SLC1A3: variants seen among roughly 807,000 people sequenced by gnomAD.
SLC1A3 encodes the protein excitatory amino acid transporter 1.
In SLC1A3, 21 loss-of-function variants were observed where a neutral mutation model predicts 48.1. The observed-to-expected ratio is 0.44, with a 90% confidence interval of 0.31 to 0.63. The LOEUF is 0.63. SLC1A3 is among the 20% of genes least tolerant of loss of function. The pLI is 0.08. For synonymous variants in SLC1A3, 239 were observed against 251.4 expected, an observed-to-expected ratio of 0.95 and a Z score of 0.47; for missense variants, 546 against 689.0, an observed-to-expected ratio of 0.79 and a Z score of 2.32.
intron 3 of SLC1A3, among the ~76,000 whole-genome samples, chr5:36,662,343 T>C (rs983724560): frequency 1.3e-5 from 2 of 152,152 alleles, no homozygotes; most frequent in African/African-American, 4.8e-5. Context: ...CACACTTTGC[T>C]TTTTGCTGCT....
chr5:36,597,928 A>G (rs1219622606), intron 1 of SLC1A3, among the ~76,000 whole-genome samples: 1 of 152,096 alleles, frequency 6.6e-6, no homozygotes, highest in Admixed American at 6.5e-5. Flanking sequence ...CTCTCTCATG[A>G]GGTCTTCCTC....
chr5:36,631,441 A>C (rs893003574), intron 3 of SLC1A3, among the ~76,000 whole-genome samples: 1 of 152,222 alleles, frequency 6.6e-6, no homozygotes, highest in Non-Finnish European at 1.5e-5. Context: ...AAATACTATG[A>C]TGCAATCCCT....
chr5:36,623,903 A>G (rs917903470), intron 2 of SLC1A3, among the ~76,000 whole-genome samples: 6 of 151,876 alleles, frequency 4.0e-5, no homozygotes, highest in African/African-American at 9.7e-5. Flanking sequence ...AAGACTGGTC[A>G]TGCTACGTCT....
intron 3 of SLC1A3, among the ~76,000 whole-genome samples, chr5:36,641,543 T>C (rs920857277): frequency 1.3e-5 from 2 of 152,126 alleles, no homozygotes; most frequent in Non-Finnish European, 2.9e-5. Context: ...ATTATCAGCA[T>C]ACCTAAACTA....
At chr5:36,623,862 CAAAAA>C (rs5867332) in intron 2 of SLC1A3, among the ~76,000 whole-genome samples, 2 of 113,936 alleles carry the variant, frequency 1.8e-5, no homozygotes, top group Admixed American at 8.9e-5. Context: ...GACACCGTCT[CAAAAA>C]AAAAAAAAAA....
upstream of SLC1A3, among the ~76,000 whole-genome samples, chr5:36,604,901 AG>A (rs1378979386): frequency 1.7e-3 from 59 of 35,202 alleles, no homozygotes; most frequent in African/African-American, 7.9e-3. Context: ...AAAAAAAAAA[AG>A]CGGTGGGGGG....
chr5:36,644,014 AAAAT>A (rs57649957), intron 3 of SLC1A3, among the ~76,000 whole-genome samples: 1,539 of 101,770 alleles, frequency 0.015, 18 homozygotes, highest in African/African-American at 0.037. Flanking sequence ...TCCGTCTCAA[AAAAT>A]AAATAAATAA....
At chr5:36,670,986 C>A in intron 3 of SLC1A3, 43 bp from the exon 4 acceptor site, 2 of 1,552,076 alleles carry the variant, frequency 1.3e-6, no homozygotes, top group Non-Finnish European at 1.8e-6. Flanking sequence ...CTGGAGAATT[C>A]CCTGGACTGA....
chr5:36,654,808 C>G (rs993060014), intron 3 of SLC1A3, among the ~76,000 whole-genome samples: 4 of 152,214 alleles, frequency 2.6e-5, no homozygotes, highest in Non-Finnish European at 5.9e-5. Context: ...GAAGTCACAG[C>G]ACTGTTAACC....
intron 2 of SLC1A3, among the ~76,000 whole-genome samples, chr5:36,628,271 G>T (rs924384387): frequency 5.3e-5 from 8 of 152,138 alleles, no homozygotes; most frequent in Admixed American, 3.9e-4. Context: ...CCCAAGAATT[G>T]AAATTGGAGT....
At chr5:36,643,542 TTA>T (rs1740703705) in intron 3 of SLC1A3, among the ~76,000 whole-genome samples, 1 of 152,190 alleles carries the variant, frequency 6.6e-6, no homozygotes, top group South Asian at 2.1e-4. Context: ...TAATCGTTCT[TTA>T]TATATTAAAC....
chr5:36,609,179 G>A, intron 2 of SLC1A3: 1 of 984,714 alleles, frequency 1.0e-6, no homozygotes, highest in Non-Finnish European at 1.2e-6. Context: ...GCTTTGCAGA[G>A]CCTGCCATAA....
At chr5:36,635,740 T>C (rs16903237) in intron 3 of SLC1A3, among the ~76,000 whole-genome samples, 7,002 of 152,204 alleles carry the variant, frequency 0.046, 580 homozygotes, top group African/African-American at 0.16. Context: ...GCACCCATGT[T>C]GTGAGCGGAG....
At chr5:36,659,511 C>A (rs969487524) in intron 3 of SLC1A3, among the ~76,000 whole-genome samples, 1 of 152,150 alleles carries the variant, frequency 6.6e-6, no homozygotes, top group East Asian at 1.9e-4. Context: ...TCAAAAACAT[C>A]CATTTGCCAA....
intron 1 of SLC1A3, among the ~76,000 whole-genome samples, chr5:36,598,398 G>A (rs1318887967): frequency 3.3e-5 from 5 of 152,110 alleles, no homozygotes; most frequent in Non-Finnish European, 7.3e-5. Context: ...ATTACCATTA[G>A]CCATAAACTT....
chr5:36,616,697 T>C (rs2111698683), intron 2 of SLC1A3, among the ~76,000 whole-genome samples: 1 of 152,308 alleles, frequency 6.6e-6, no homozygotes. Context: ...CCTGCAAAGA[T>C]GGTCCCTTCT....
chr5:36,606,257 A>C (rs1738935513), upstream of SLC1A3: 1 of 152,268 alleles, frequency 6.6e-6, no homozygotes, highest in Non-Finnish European at 1.5e-5. Context: ...TCTTCCCTGA[A>C]AGGGAGGAAA....
At position 36,608,624 on chromosome 5, in the gene SLC1A3, A is replaced by G. The variant is rs748711980; in HGVS notation, c.181+20A>G. ...TTGTGGGTGAGTCATTTGATTAAAA[A>G]CAAAAAAACCTGTATCTTGTTTCTC... On this transcript the variant is annotated intron_variant, in intron 2 of 9. Coordinates refer to ENST00000265113, the MANE Select transcript of SLC1A3 (RefSeq NM_004172.5). The G allele has an allele frequency of 6.3e-7, 1 of 1,581,402 alleles. No individual in the cohort carries two copies. Among genetic ancestry groups the G allele is most frequent in the East Asian group, 2.3e-5 (1 of 43,350 alleles).
intron 3 of SLC1A3, among the ~76,000 whole-genome samples, chr5:36,648,053 C>T (rs1220551457): frequency 1.3e-5 from 2 of 152,076 alleles, no homozygotes; most frequent in African/African-American, 2.4e-5. Context: ...TTAATTAACG[C>T]ATTAATTATC....
Sources: gnomAD v4.1 joint callset for allele counts (sites outside exome capture counted in the v4.1 genomes callset) on GRCh38, gnomAD v4.1.1 for gene constraint, MANE v1.5 for transcripts, NCBI Gene and HGNC (gene_info 2026-07-23, HGNC 2026-07-21) for gene names.